PRKG1: variants seen among roughly 807,000 people sequenced by gnomAD.
PRKG1 encodes protein kinase cGMP-dependent 1, also known as cGMP-dependent protein kinase 1.
A neutral mutation model predicts 88.1 loss-of-function variants in PRKG1; 35 were observed. The ratio of observed to expected loss-of-function variants is 0.40; its 90% CI spans 0.30 to 0.53. The LOEUF (loss-of-function observed/expected upper bound fraction) is 0.53, where lower values mean the gene tolerates loss of function less well. Among genes scored for constraint, PRKG1 ranks in the 20% least tolerant of loss-of-function variants. The probability of loss-of-function intolerance (pLI) is 0.59; values close to 1 mark genes in which losing one functional copy is unlikely to be tolerated. For missense variants in PRKG1, 540 were observed against 839.8 expected (o/e 0.64, Z 4.41); for synonymous variants, 303 against 292.5 (o/e 1.04, Z -0.37).
intron 3 of PRKG1, among the ~76,000 whole-genome samples, chr10:51,611,281 C>T (rs552311583): frequency 7.0e-4 from 107 of 152,080 alleles, no homozygotes; most frequent in Admixed American, 1.2e-3. Context: ...TCCTCACCAA[C>T]GTCTATTATT....
At chr10:51,195,677 C>G (rs956775717) in intron 2 of PRKG1, among the ~76,000 whole-genome samples, 3 of 152,100 alleles carry the variant, frequency 2.0e-5, no homozygotes, top group African/African-American at 4.8e-5. Flanking sequence ...TCTTAGCTCT[C>G]CATTTCTTTA....
intron 2 of PRKG1, among the ~76,000 whole-genome samples, chr10:51,442,206 A>G (rs929426829): frequency 6.6e-6 from 1 of 151,982 alleles, no homozygotes; most frequent in Non-Finnish European, 1.5e-5. Context: ...TTTTCCTGGA[A>G]GTTCCAGTTT....
intron 1 of PRKG1, among the ~76,000 whole-genome samples, chr10:51,031,858 T>G (rs1843287831): frequency 6.6e-6 from 1 of 152,192 alleles, no homozygotes; most frequent in African/African-American, 2.4e-5. Context: ...GCAGAAATTA[T>G]GCACTGTGAA....
intron 1 of PRKG1, among the ~76,000 whole-genome samples, chr10:51,021,340 C>T (rs1003020618): frequency 6.6e-6 from 1 of 152,168 alleles, no homozygotes; most frequent in African/African-American, 2.4e-5. Flanking sequence ...ACAAACCATA[C>T]GTCCGTAACA....
At chr10:52,001,170 G>A (rs941868760) in intron 5 of PRKG1, among the ~76,000 whole-genome samples, 2 of 151,816 alleles carry the variant, frequency 1.3e-5, no homozygotes, top group Non-Finnish European at 2.9e-5. Context: ...TTTTACAAAT[G>A]ACAGGATTTC....
At chr10:51,993,637 AAAGTAGTGAC>A (rs1379581663) in intron 5 of PRKG1, among the ~76,000 whole-genome samples, 5 of 152,188 alleles carry the variant, frequency 3.3e-5, no homozygotes, top group Admixed American at 3.3e-4. Context: ...TGAAATAGGT[AAAGTAGTGAC>A]AGCAGTAGCA....
intron 9 of PRKG1, among the ~76,000 whole-genome samples, chr10:52,188,876 T>C (rs1564509508): frequency 6.6e-6 from 1 of 152,214 alleles, no homozygotes. Context: ...ATCATTATTG[T>C]GTGGAATTAA....
chr10:51,247,864 A>G (rs1839333535), intron 2 of PRKG1, among the ~76,000 whole-genome samples: 1 of 151,750 alleles, frequency 6.6e-6, no homozygotes, highest in South Asian at 2.1e-4. Flanking sequence ...CTTTTGGCCA[A>G]GTCATTTACT....
intron 7 of PRKG1, among the ~76,000 whole-genome samples, chr10:52,102,121 A>G (rs998108189): frequency 6.6e-6 from 1 of 152,072 alleles, no homozygotes; most frequent in Admixed American, 6.5e-5. Flanking sequence ...CATAATCAAA[A>G]CTTTGTCCCT....
intron 2 of PRKG1, among the ~76,000 whole-genome samples, chr10:51,217,953 T>A (rs886308545): frequency 1.3e-5 from 2 of 152,132 alleles, no homozygotes; most frequent in Non-Finnish European, 2.9e-5. Context: ...GAATCTCAGG[T>A]CTTACAAGTG....
chr10:51,531,128 C>T (rs1842006517), intron 3 of PRKG1, among the ~76,000 whole-genome samples: 2 of 152,100 alleles, frequency 1.3e-5, no homozygotes, highest in South Asian at 4.1e-4. Flanking sequence ...GTATAAAAAT[C>T]AATATAGATC....
chr10:51,458,756 A>T (rs1839661099), intron 2 of PRKG1, among the ~76,000 whole-genome samples: 1 of 152,182 alleles, frequency 6.6e-6, no homozygotes, highest in Non-Finnish European at 1.5e-5. Flanking sequence ...TTGAAGCAAC[A>T]TCTTGTTGAC....
chr10:51,567,852 G>T (rs1564553453), intron 3 of PRKG1, among the ~76,000 whole-genome samples: 1 of 152,104 alleles, frequency 6.6e-6, no homozygotes, highest in Non-Finnish European at 1.5e-5. Context: ...CTCTCAAAGT[G>T]CTGGGATTAC....
At chr10:51,107,801 A>G (rs1347482355) in intron 1 of PRKG1, among the ~76,000 whole-genome samples, 1 of 139,084 alleles carries the variant, frequency 7.2e-6, no homozygotes, top group African/African-American at 2.8e-5. Context: ...ACAGAGCAAA[A>G]CCCTGTCTCA....
intron 9 of PRKG1, among the ~76,000 whole-genome samples, chr10:52,223,865 C>T (rs988363839): frequency 1.3e-5 from 2 of 151,980 alleles, no homozygotes; most frequent in African/African-American, 4.8e-5. Context: ...TATCTTGGTC[C>T]AACAGCAAAT....
intron 3 of PRKG1, chr10:51,698,604 G>A (rs754817649): frequency 1.5e-5 from 25 of 1,613,756 alleles, no homozygotes; most frequent in Non-Finnish European, 1.9e-5. Flanking sequence ...ACGGGTCCGC[G>A]AGGTATAGGA....
At chr10:52,024,974 C>T (rs1845295374) in intron 5 of PRKG1, among the ~76,000 whole-genome samples, 1 of 152,186 alleles carries the variant, frequency 6.6e-6, no homozygotes, top group African/African-American at 2.4e-5. Flanking sequence ...TATTTCTCCA[C>T]ATCCTCTCCA....
chr10:51,126,230 TTTATAA>T (rs1340735859), intron 1 of PRKG1, among the ~76,000 whole-genome samples: 1 of 121,274 alleles, frequency 8.2e-6, no homozygotes, highest in Non-Finnish European at 1.6e-5. Context: ...TATTTATATA[TTTATAA>T]TTATATATTT....
intron 5 of PRKG1, among the ~76,000 whole-genome samples, chr10:51,937,043 A>G (rs1003995874): frequency 6.6e-6 from 1 of 152,042 alleles, no homozygotes; most frequent in African/African-American, 2.4e-5. Context: ...TTTAGTTAGC[A>G]GGAGTGCCTT....
Sources: allele counts gnomAD v4.1 joint callset (sites outside exome capture counted in the v4.1 genomes callset), GRCh38; gene constraint gnomAD v4.1.1; transcripts MANE v1.5; gene names NCBI Gene and HGNC (gene_info 2026-07-23, HGNC 2026-07-21).